Variants in PCDHA8 observed in about 807,000 individuals in gnomAD.
The protein encoded by PCDHA8 is protocadherin alpha 8.
Under a neutral mutation model 61.8 loss-of-function variants are expected in PCDHA8, and 53 were observed. The observed-to-expected ratio is 0.86, with a 90% CI of 0.69 to 1.08. The LOEUF (loss-of-function observed/expected upper bound fraction) is 1.08. Among genes scored for constraint, PCDHA8 ranks in the 50% least tolerant of loss-of-function variants. The probability of loss-of-function intolerance (pLI) is 0.00; values close to 1 mark genes in which losing one functional copy is unlikely to be tolerated. For synonymous variants in PCDHA8, 618 were observed against 556.6 expected (o/e 1.11, Z -1.55); for missense variants, 1,293 against 1,245.0 (o/e 1.04, Z -0.58).
intron 1 of PCDHA8, among the ~76,000 whole-genome samples, chr5:140,950,613 A>G (rs980395914): frequency 3.3e-5 from 5 of 152,064 alleles, no homozygotes; most frequent in African/African-American, 1.2e-4. Context: ...TGATGTGCTT[A>G]TTTATGCTTT....
At chr5:140,969,010 A>C (rs782688503) in intron 1 of PCDHA8, 2 of 1,614,168 alleles carry the variant, frequency 1.2e-6, no homozygotes, top group Admixed American at 3.3e-5. Context: ...TCTGTGGAGT[A>C]AGGGAAAGGT....
At chr5:140,970,121 G>C (rs1230320134) in intron 1 of PCDHA8, among the ~76,000 whole-genome samples, 1 of 152,184 alleles carries the variant, frequency 6.6e-6, no homozygotes, top group Non-Finnish European at 1.5e-5. Flanking sequence ...GCTGGGATTA[G>C]AAGGAAGAGA....
intron 1 of PCDHA8, among the ~76,000 whole-genome samples, chr5:140,916,378 A>C (rs772984424): frequency 6.6e-6 from 1 of 152,158 alleles, no homozygotes; most frequent in Non-Finnish European, 1.5e-5. Flanking sequence ...TGTAGCCACC[A>C]CAACTAGGAA....
At chr5:140,870,837 G>A (rs782610375) in intron 1 of PCDHA8, 9 of 1,613,702 alleles carry the variant, frequency 5.6e-6, no homozygotes, top group African/African-American at 1.3e-5. Flanking sequence ...CAGTTAACAA[G>A]CTAGTACCGC....
At chr5:140,876,567 G>A (rs782286416) in intron 1 of PCDHA8, 1 of 1,614,186 alleles carries the variant, frequency 6.2e-7, no homozygotes, top group Non-Finnish European at 8.5e-7. Context: ...ATGCTCAGGT[G>A]GGTACCGTCA....
intron 1 of PCDHA8, chr5:140,843,933 G>A: frequency 1.7e-6 from 1 of 576,250 alleles, no homozygotes. Context: ...CTCAAGTTAT[G>A]GTTGGATGAT....
intron 1 of PCDHA8, among the ~76,000 whole-genome samples, chr5:140,890,741 A>G (rs1346321522): frequency 2.0e-5 from 3 of 152,132 alleles, no homozygotes; most frequent in African/African-American, 7.2e-5. Flanking sequence ...CTTATATACT[A>G]TTTCTGTCAT....
rs1210767626 is a variant in PCDHA8 at position 141,010,197 on chromosome 5, C to T, written c.*260C>T. 1 of 1,552,200 alleles carries T rather than the reference C, an allele frequency of 6.4e-7. No homozygotes were observed. The highest frequency in any genetic ancestry group is 1.2e-5 in the South Asian group (1 of 84,134). On this transcript the variant is annotated 3_prime_UTR_variant, in exon 4 of 4. Coordinates refer to ENST00000531613, the MANE Select transcript of PCDHA8 (RefSeq NM_018911.3). ...AAAAGCAGACCCAAGTTTCCTTTCT[C>T]CTCCGCCGCAAAGGAGAGGCTTCCC...
At chr5:140,869,350 A>G (rs1197202286) in intron 1 of PCDHA8, 3 of 1,614,064 alleles carry the variant, frequency 1.9e-6, no homozygotes, top group Non-Finnish European at 1.7e-6. Flanking sequence ...GCAGAATGGC[A>G]TTTTGTTTGT....
At chr5:140,911,066 A>C (rs1166409987) in intron 1 of PCDHA8, among the ~76,000 whole-genome samples, 1 of 152,042 alleles carries the variant, frequency 6.6e-6, no homozygotes, top group Non-Finnish European at 1.5e-5. Flanking sequence ...GTGGGTCCTG[A>C]GGAGAATCAA....
At position 140,856,827 on chromosome 5, in the gene PCDHA8, T is replaced by C. The variant is rs1201833720; in HGVS notation, c.2394+13112T>C. 4.4e-6 allele frequency: 7 copies of C among 1,592,096 alleles called. 1 individual carries two copies. The African/African-American group carries it at 5.4e-5, about 12-fold the overall frequency. ...GAAAATCAAGTGAACCAAACATTAG[T>C]AATACGGCTCAACGCTTCTGATTCG... is the stretch of plus-strand genomic sequence containing the variant. On this transcript the variant is annotated intron_variant, in intron 1 of 3. Transcript: ENST00000531613.
intron 1 of PCDHA8, among the ~76,000 whole-genome samples, chr5:140,905,708 C>T (rs1372981287): frequency 1.1e-4 from 16 of 152,092 alleles, no homozygotes; most frequent in Non-Finnish European, 1.6e-4. Context: ...TTATGATTTC[C>T]TTCAGCAGTG....
chr5:140,969,019 G>A (rs782394566), intron 1 of PCDHA8: 61 of 1,614,046 alleles, frequency 3.8e-5, no homozygotes, highest in Non-Finnish European at 4.7e-5. Flanking sequence ...TAAGGGAAAG[G>A]TCCCCTGCAG....
intron 1 of PCDHA8, chr5:140,861,361 T>C: frequency 2.8e-6 from 1 of 352,562 alleles, no homozygotes; most frequent in Admixed American, 3.2e-5. Flanking sequence ...CATAGCGTCT[T>C]CGCGGTCCCT....
chr5:140,856,108 C>A, intron 1 of PCDHA8: 1 of 1,598,026 alleles, frequency 6.3e-7, no homozygotes, highest in African/African-American at 1.3e-5. Context: ...TTCTTCTCCT[C>A]GCAGCCTGGG....
chr5:140,985,739 C>CTTTTT (rs11372071), intron 3 of PCDHA8, among the ~76,000 whole-genome samples: 4 of 117,922 alleles, frequency 3.4e-5, no homozygotes, highest in East Asian at 2.5e-4. Flanking sequence ...TGATGAATTC[C>CTTTTT]TTTTTTTTTT....
chr5:140,855,239 A>T (rs1315147782), intron 1 of PCDHA8, among the ~76,000 whole-genome samples: 1 of 149,864 alleles, frequency 6.7e-6, no homozygotes, highest in Non-Finnish European at 1.5e-5. Flanking sequence ...TTAAGGTACT[A>T]TTGCAAGCAC....
chr5:140,927,412 G>A, intron 1 of PCDHA8: 1 of 1,614,122 alleles, frequency 6.2e-7, no homozygotes, highest in African/African-American at 1.3e-5. Context: ...CCTGGACATG[G>A]GATCGCGGGT....
At chr5:140,988,634 T>G (rs1405160822) in intron 3 of PCDHA8, among the ~76,000 whole-genome samples, 1 of 152,218 alleles carries the variant, frequency 6.6e-6, no homozygotes, top group Non-Finnish European at 1.5e-5. Flanking sequence ...GTCCTGGTTT[T>G]CTGAAATTAA....
Sources: allele counts gnomAD v4.1 joint callset (sites outside exome capture counted in the v4.1 genomes callset), GRCh38; gene constraint gnomAD v4.1.1; transcripts MANE v1.5; gene names NCBI Gene and HGNC (gene_info 2026-07-23, HGNC 2026-07-21).